LDAH: variants seen among roughly 807,000 people sequenced by gnomAD.
LDAH encodes lipid droplet associated hydrolase.
LDAH carries 26 observed loss-of-function variants against 29.6 expected under a neutral mutation model. That is an observed-to-expected ratio of 0.88 (90% CI 0.64 to 1.22). The LOEUF is 1.22. LDAH is among the 50% of genes most tolerant of loss of function. The pLI is 0.00. For missense variants in LDAH, 344 were observed against 387.3 expected (o/e 0.89, Z 0.94); for synonymous variants, 117 against 133.0 (o/e 0.88, Z 0.83).
At chr2:20,810,672 A>C (rs1672408171) in intron 1 of LDAH, among the ~76,000 whole-genome samples, 1 of 152,218 alleles carries the variant, frequency 6.6e-6, no homozygotes. Context: ...AGAATGCTTT[A>C]GAGGGGGACA....
chr2:20,792,598 T>A (rs1671044221), intron 2 of LDAH, among the ~76,000 whole-genome samples: 1 of 152,146 alleles, frequency 6.6e-6, no homozygotes, highest in South Asian at 2.1e-4. Flanking sequence ...TCATTAGAAA[T>A]AACGAATGGA....
intron 6 of LDAH, among the ~76,000 whole-genome samples, chr2:20,696,099 C>T (rs989293396): frequency 3.3e-5 from 5 of 152,298 alleles, no homozygotes; most frequent in South Asian, 2.1e-4. Context: ...TCTGGACAGG[C>T]TTTAAATTAA....
At chr2:20,762,394 C>T (rs1668749653) in intron 4 of LDAH, among the ~76,000 whole-genome samples, 1 of 152,088 alleles carries the variant, frequency 6.6e-6, no homozygotes. Context: ...CACTCCAATA[C>T]ATCCTTTACC....
At chr2:20,821,085 A>T (rs1278921983) in intron 1 of LDAH, among the ~76,000 whole-genome samples, 1 of 152,230 alleles carries the variant, frequency 6.6e-6, no homozygotes, top group East Asian at 1.9e-4. Flanking sequence ...CACAGCAGTT[A>T]GAATGGTGAT....
rs549518186 is a variant in LDAH at position 20,818,226 on chromosome 2, C to T, written c.-3+4811G>A. On this transcript the variant is annotated intron_variant, in intron 1 of 6. Transcript: ENST00000237822. Reference sequence around the variant, plus strand: ...GTCTGAAGGGTACACAAGGACTTCCCTGTAAAGTTTTTTGCAACTTCCTCT... The same window carrying T: ...GTCTGAAGGGTACACAAGGACTTCCTTGTAAAGTTTTTTGCAACTTCCTCT... 4.6e-5 allele frequency among the ~76,000 whole-genome samples: 7 copies of T among 152,228 alleles called. No homozygotes were observed. In the East Asian group the frequency reaches 1.3e-3, roughly 29 times the overall value.
intron 5 of LDAH, among the ~76,000 whole-genome samples, chr2:20,702,483 A>G (rs1664015549): frequency 6.6e-6 from 1 of 152,184 alleles, no homozygotes; most frequent in African/African-American, 2.4e-5. Flanking sequence ...ACATATTCAC[A>G]TATATTGAGA....
intron 4 of LDAH, among the ~76,000 whole-genome samples, chr2:20,747,970 T>C (rs1667694231): frequency 6.6e-6 from 1 of 152,196 alleles, no homozygotes; most frequent in Non-Finnish European, 1.5e-5. Context: ...TATATTTACG[T>C]ACAAAATAAG....
intron 2 of LDAH, among the ~76,000 whole-genome samples, chr2:20,790,808 C>A (rs558142834): frequency 6.6e-6 from 1 of 152,238 alleles, no homozygotes; most frequent in South Asian, 2.1e-4. Context: ...ACAGCTTGAT[C>A]TTTTGGGGAA....
At chr2:20,700,310 T>C (rs1203505583) in intron 6 of LDAH, among the ~76,000 whole-genome samples, 1 of 152,214 alleles carries the variant, frequency 6.6e-6, no homozygotes, top group Non-Finnish European at 1.5e-5. Flanking sequence ...TTCAGAAATA[T>C]GATGACCACT....
chr2:20,703,524 T>C (rs946167833), intron 5 of LDAH, among the ~76,000 whole-genome samples: 4 of 152,258 alleles, frequency 2.6e-5, no homozygotes, highest in Non-Finnish European at 5.9e-5. Flanking sequence ...ATAATATACT[T>C]ACACCTTTAC....
chr2:20,809,330 C>A (rs1022609513), intron 1 of LDAH, among the ~76,000 whole-genome samples: 1 of 151,856 alleles, frequency 6.6e-6, no homozygotes. Flanking sequence ...ACCAGGGAGT[C>A]GGAGGTTGCA....
chr2:20,803,218 A>G (rs1671840888), intron 1 of LDAH, among the ~76,000 whole-genome samples: 1 of 152,226 alleles, frequency 6.6e-6, no homozygotes, highest in African/African-American at 2.4e-5. Flanking sequence ...CAAGGCTGAA[A>G]AACAACACTG....
At chr2:20,724,625 T>C (rs1322378083) in intron 5 of LDAH, among the ~76,000 whole-genome samples, 2 of 152,084 alleles carry the variant, frequency 1.3e-5, no homozygotes, top group Non-Finnish European at 2.9e-5. Flanking sequence ...GGTATAAAAG[T>C]GAGATGAATA....
intron 4 of LDAH, among the ~76,000 whole-genome samples, chr2:20,770,582 G>C (rs1669344177): frequency 6.6e-6 from 1 of 152,144 alleles, no homozygotes; most frequent in Non-Finnish European, 1.5e-5. Context: ...GTGGAGATAA[G>C]ATTACTACTT....
At chr2:20,730,735 CCTT>C (rs758014243) in intron 5 of LDAH, among the ~76,000 whole-genome samples, 5 of 151,094 alleles carry the variant, frequency 3.3e-5, no homozygotes, top group African/African-American at 4.9e-5. Context: ...TTCTCCTTCT[CCTT>C]CTTCTTTTTT....
chr2:20,689,447 G>A (rs1378946267), intron 6 of LDAH, among the ~76,000 whole-genome samples: 1 of 152,090 alleles, frequency 6.6e-6, no homozygotes, highest in Non-Finnish European at 1.5e-5. Context: ...TCTTCCTCCT[G>A]GTCTCAGCTC....
chr2:20,760,825 C>A (rs1020672491), intron 4 of LDAH, among the ~76,000 whole-genome samples: 2 of 152,082 alleles, frequency 1.3e-5, no homozygotes, highest in African/African-American at 2.4e-5. Flanking sequence ...TCACCTTTAT[C>A]ATATTTTGTT....
At chr2:20,773,691 C>A (rs970840883) in intron 4 of LDAH, among the ~76,000 whole-genome samples, 8 of 152,028 alleles carry the variant, frequency 5.3e-5, no homozygotes, top group Admixed American at 5.2e-4. Flanking sequence ...AAAACCACAG[C>A]GAGGGAGGCT....
At chr2:20,793,056 A>G (rs928884557) in intron 2 of LDAH, among the ~76,000 whole-genome samples, 4 of 152,184 alleles carry the variant, frequency 2.6e-5, no homozygotes, top group Non-Finnish European at 4.4e-5. Context: ...ACTTATGTTC[A>G]TTAATTCTAT....
Sources: gnomAD v4.1 joint callset for allele counts (sites outside exome capture counted in the v4.1 genomes callset) on GRCh38, gnomAD v4.1.1 for gene constraint, MANE v1.5 for transcripts, NCBI Gene and HGNC (gene_info 2026-07-23, HGNC 2026-07-21) for gene names.